The following KLHL18 variants were observed in gnomAD, a reference collection of about 807,000 sequenced individuals.
KLHL18 encodes the protein kelch-like protein 18.
In KLHL18, 38 loss-of-function variants were observed where a neutral mutation model predicts 58.5. That is an observed-to-expected ratio of 0.65 (90% CI 0.50 to 0.85). The LOEUF is 0.85. Among genes scored for constraint, KLHL18 ranks in the 40% least tolerant of loss-of-function variants. The pLI is 0.00. For synonymous variants in KLHL18, 303 were observed against 301.9 expected (o/e 1.00, Z -0.04); for missense variants, 624 against 778.4 (o/e 0.80, Z 2.36).
At chr3:47,319,261 G>A (rs1703527214) in intron 1 of KLHL18, among the ~76,000 whole-genome samples, 1 of 152,188 alleles carries the variant, frequency 6.6e-6, no homozygotes, top group Admixed American at 6.5e-5. Context: ...TGGACCATTT[G>A]TCTAGTCCAT....
At chr3:47,320,864 G>C (rs1054926720) in intron 2 of KLHL18, among the ~76,000 whole-genome samples, 1 of 152,286 alleles carries the variant, frequency 6.6e-6, no homozygotes. Context: ...CGCGAGCTGT[G>C]ATCACACCAC....
chr3:47,326,344 G>A (rs933238035), intron 3 of KLHL18, among the ~76,000 whole-genome samples: 6 of 152,158 alleles, frequency 3.9e-5, no homozygotes, highest in Admixed American at 6.5e-5. Flanking sequence ...TCAAGTCACC[G>A]CTTCCTGCCT....
chr3:47,330,735 TTTG>T (rs2107647902), intron 4 of KLHL18, among the ~76,000 whole-genome samples: 1 of 152,292 alleles, frequency 6.6e-6, no homozygotes, highest in South Asian at 2.1e-4. Flanking sequence ...AGATAATTTT[TTTG>T]TTGTTTTTTT....
At chr3:47,313,188 C>T (rs1303538031) in intron 1 of KLHL18, among the ~76,000 whole-genome samples, 7 of 149,528 alleles carry the variant, frequency 4.7e-5, no homozygotes, top group East Asian at 3.9e-4. Flanking sequence ...GGATTACAGG[C>T]GTGAGCCACC....
chr3:47,302,551 T>C lies in KLHL18; in HGVS notation c.130-17102T>C, dbSNP rs574500873. Among the ~76,000 whole-genome samples the C allele has an allele frequency of 1.1e-4, 17 of 152,228 alleles. No individual in the cohort carries two copies. The East Asian group carries it at 3.3e-3, about 29-fold the overall frequency. On this transcript the variant is annotated intron_variant, in intron 1 of 9. Transcript: ENST00000232766. ...TTACTATTCATTAAGTGGAAGTGGA[T>C]CATCATAAAGGCCTTCATCACCATC...
At chr3:47,332,434 C>T (rs1021361068) in intron 4 of KLHL18, among the ~76,000 whole-genome samples, 1 of 152,064 alleles carries the variant, frequency 6.6e-6, no homozygotes, top group African/African-American at 2.4e-5. Context: ...TTCCTCTTTC[C>T]TCTAGAAAAG....
At chr3:47,296,005 C>T (rs1702889368) in intron 1 of KLHL18, among the ~76,000 whole-genome samples, 1 of 152,186 alleles carries the variant, frequency 6.6e-6, no homozygotes, top group Admixed American at 6.5e-5. Context: ...TTCATCTCCC[C>T]CTCTTCCACT....
intron 1 of KLHL18, among the ~76,000 whole-genome samples, chr3:47,293,084 T>C (rs1249375220): frequency 6.6e-6 from 1 of 152,048 alleles, no homozygotes; most frequent in Non-Finnish European, 1.5e-5. Context: ...AATAGTCAAA[T>C]TCATGAAGAC....
chr3:47,309,057 G>A (rs541183296), intron 1 of KLHL18, among the ~76,000 whole-genome samples: 26 of 152,304 alleles, frequency 1.7e-4, no homozygotes, highest in African/African-American at 6.0e-4. Flanking sequence ...AGTGGACACA[G>A]CACATATTTC....
Position 47,346,494 on chromosome 3 carries a change from G to T in KLHL18, c.*2553G>T, listed in dbSNP as rs1704228292. On this transcript the variant is annotated 3_prime_UTR_variant, in exon 10 of 10. Coordinates refer to ENST00000232766, the MANE Select transcript of KLHL18 (RefSeq NM_025010.5). ...AAAAGAAGCATCACCCAAGGATATT[G>T]TAAAAAGGATGTAACAAGGAGATAG... 6.6e-6 allele frequency: 1 copy of T among 152,594 alleles called. No homozygotes were observed. The allele number at this position is 152,594 out of a possible 1,614,324, so 9.5% of individuals were successfully genotyped here.
At chr3:47,316,032 A>G (rs886946230) in intron 1 of KLHL18, among the ~76,000 whole-genome samples, 9 of 152,202 alleles carry the variant, frequency 5.9e-5, no homozygotes, top group Admixed American at 3.9e-4. Context: ...AGGAAGAACA[A>G]TAAGAAAATT....
rs1304807777 is a variant in KLHL18 at position 47,330,101 on chromosome 3, G to A, written c.552G>A (p.Val184=). 1.6e-5 allele frequency: 26 copies of A among 1,614,050 alleles called. No individual in the cohort carries two copies. The highest frequency in any genetic ancestry group is 2.0e-5 in the Non-Finnish European group (24 of 1,180,042). Residue 184 remains valine, a synonymous_variant, in exon 4 of 10, where the codon GTG becomes GTA. Transcript: ENST00000232766. ...EEFLALPLED[V]LELVSRDELN... is the part of the protein sequence containing the mutation. ...TCCTGGCCCTGCCCTTGGAAGACGT[G>A]CTTGAGCTGGTGTCTCGGGATGAGC... is the stretch of plus-strand genomic sequence containing the variant.
chr3:47,343,402 C>A lies in KLHL18; in HGVS notation c.1339-153C>A, dbSNP rs530027279. On this transcript the variant is annotated intron_variant, in intron 9 of 9. Transcript: ENST00000232766. ...CTGTCCCCATACACCAAAGAGCAGG[C>A]CTGCAGCAGAGGGAATACTGGGAGA... is the stretch of plus-strand genomic sequence containing the variant. 2.0e-3 allele frequency among the ~76,000 whole-genome samples: 306 copies of A among 152,320 alleles called. 7 individuals carry two copies. The highest frequency in any genetic ancestry group is 7.7e-4 in the East Asian group (4 of 5,176).
intron 1 of KLHL18, among the ~76,000 whole-genome samples, chr3:47,317,374 A>G (rs1015828487): frequency 2.6e-5 from 4 of 152,294 alleles, no homozygotes; most frequent in Middle Eastern, 3.4e-3. Context: ...TCAGGCTCCC[A>G]AAGTGCTGAG....
At position 47,344,427 on chromosome 3, in the gene KLHL18, GTGGCCA is replaced by G; in HGVS notation, c.*487_*492del. The G allele has an allele frequency of 5.3e-6, 1 of 186,956 alleles. No individual in the cohort carries two copies. The highest frequency in any genetic ancestry group is 1.1e-5 in the Non-Finnish European group (1 of 91,472). 11.6% of individuals were successfully genotyped at this position (186,956 alleles called of 1,614,324 possible). On this transcript the variant is annotated 3_prime_UTR_variant, in exon 10 of 10. Transcript: ENST00000232766. ...AAGCGTTCTCCCTGCCTGAGATGGTGTGGCCACAGCAGTGGAAGGCTGCACACAGGC... is the reference window on the plus strand; with the variant it reads ...AAGCGTTCTCCCTGCCTGAGATGGTGCAGCAGTGGAAGGCTGCACACAGGC...
chr3:47,298,261 G>A (rs768186684), intron 1 of KLHL18, among the ~76,000 whole-genome samples: 58 of 151,332 alleles, frequency 3.8e-4, no homozygotes, highest in African/African-American at 1.3e-3. Flanking sequence ...CCGGCTACTT[G>A]GGAGGATCAC....
intron 3 of KLHL18, among the ~76,000 whole-genome samples, chr3:47,326,373 T>TTA (rs1201102635): frequency 6.6e-6 from 1 of 152,146 alleles, no homozygotes; most frequent in East Asian, 1.9e-4. Flanking sequence ...GCATTATGTC[T>TTA]TATGCTGTCT....
rs1218823100 is a variant in KLHL18 at position 47,329,937 on chromosome 3, TCC to T, written c.402-13_402-12del. 10 of 1,611,924 alleles carry T rather than the reference TCC, an allele frequency of 6.2e-6. No homozygotes were observed. In the Admixed American group the frequency reaches 8.4e-5, roughly 13 times the overall value. ...TTCTTCCTCTAATTTTTTTTTTCTT[TCC>T]TTATGCCAAAGGCTTCACCCAAAAA... On this transcript the variant is annotated splice_polypyrimidine_tract_variant and intron_variant, in intron 3 of 9. Coordinates refer to ENST00000232766, the MANE Select transcript of KLHL18 (RefSeq NM_025010.5).
rs1704175173 is a variant in KLHL18 at position 47,344,111 on chromosome 3, T to G, written c.*170T>G. On this transcript the variant is annotated 3_prime_UTR_variant, in exon 10 of 10. Coordinates refer to ENST00000232766, the MANE Select transcript of KLHL18 (RefSeq NM_025010.5). ...GCCCTCCCCCACTGTGCCACCCTTG[T>G]GACCTTCAGGCTTGGGTCATCAAGA... 1.1e-5 allele frequency: 8 copies of G among 750,890 alleles called. No individual in the cohort carries two copies. The South Asian group carries it at 1.5e-4, about 14-fold the overall frequency. 46.5% of individuals were successfully genotyped at this position (750,890 alleles called of 1,614,324 possible). A position where few individuals can be genotyped will look rare whatever the true frequency, so the allele number is the denominator to read the frequency against.
Sources: allele counts gnomAD v4.1 joint callset (sites outside exome capture counted in the v4.1 genomes callset), GRCh38; gene constraint gnomAD v4.1.1; transcripts MANE v1.5; gene names NCBI Gene and HGNC (gene_info 2026-07-23, HGNC 2026-07-21).